The following HECW2 variants were observed in gnomAD, a reference collection of about 807,000 sequenced individuals.
HECW2 encodes HECT, C2 and WW domain containing E3 ubiquitin protein ligase 2, also known as E3 ubiquitin-protein ligase HECW2.
HECW2 carries 61 observed loss-of-function variants against 175.2 expected under a neutral mutation model. The observed-to-expected ratio is 0.35, with a 90% CI of 0.28 to 0.43. HECW2 has a LOEUF of 0.43. HECW2 is among the 20% of genes least tolerant of loss of function. The probability of loss-of-function intolerance (pLI) is 1.00; values close to 1 mark genes in which losing one functional copy is unlikely to be tolerated. For synonymous variants in HECW2, 671 were observed against 731.0 expected, an observed-to-expected ratio of 0.92 and a Z score of 1.32; for missense variants, 1,524 against 2,000.5, an observed-to-expected ratio of 0.76 and a Z score of 4.54.
chr2:196,569,682 T>C (rs1295460121), intron 1 of HECW2, among the ~76,000 whole-genome samples: 2 of 152,230 alleles, frequency 1.3e-5, no homozygotes, highest in East Asian at 3.8e-4. Flanking sequence ...GTAATTATCA[T>C]ACTCAAAGAT....
At chr2:196,439,615 G>A (rs1480733529) in intron 1 of HECW2, among the ~76,000 whole-genome samples, 1 of 152,156 alleles carries the variant, frequency 6.6e-6, no homozygotes, top group Admixed American at 6.6e-5. Flanking sequence ...CCGCCCACAA[G>A]CCAGCGACGG....
At chr2:196,246,637 C>T (rs185297339) in intron 19 of HECW2, among the ~76,000 whole-genome samples, 1 of 151,938 alleles carries the variant, frequency 6.6e-6, no homozygotes, top group Non-Finnish European at 1.5e-5. Context: ...TGATCCACCC[C>T]CCTCAGCCTC....
chr2:196,238,299 T>C (rs980611080), intron 21 of HECW2, among the ~76,000 whole-genome samples: 4 of 152,060 alleles, frequency 2.6e-5, no homozygotes, highest in African/African-American at 7.2e-5. Flanking sequence ...AATGGAAAAT[T>C]TGGGTCGCTC....
chr2:196,350,681 T>A (rs1176712248), intron 2 of HECW2, among the ~76,000 whole-genome samples: 1 of 152,194 alleles, frequency 6.6e-6, no homozygotes. Context: ...CATAAGCATC[T>A]ATTTCCTGCC....
At chr2:196,491,422 A>G (rs1236625693) in intron 1 of HECW2, among the ~76,000 whole-genome samples, 1 of 147,604 alleles carries the variant, frequency 6.8e-6, no homozygotes, top group Admixed American at 6.8e-5. Flanking sequence ...GTATGCATAT[A>G]TTGTGTGTAT....
chr2:196,341,285 GCCAAAATCACTCCAAAGGAAGTGATTTTA>G (rs1293063140), intron 3 of HECW2, among the ~76,000 whole-genome samples: 2 of 151,708 alleles, frequency 1.3e-5, no homozygotes, highest in African/African-American at 2.4e-5. Flanking sequence ...GAGTGATTTT[GCCAAAATCACTCCAAAGGAAGTGATTTTA>G]CCTTTTCCCC....
intron 17 of HECW2, 138 bp downstream of exon 17, chr2:196,271,055 G>T: frequency 2.1e-5 from 13 of 613,938 alleles, no homozygotes; most frequent in Non-Finnish European, 2.9e-5. Flanking sequence ...TGGTGATGAT[G>T]ACAAAATATT....
chr2:196,433,042 T>C, intron 2 of HECW2, 90 bp downstream of exon 2: 1 of 1,300,646 alleles, frequency 7.7e-7, no homozygotes, highest in Non-Finnish European at 1.1e-6. Flanking sequence ...ATGTGAATTT[T>C]TTTCCAGAAG....
chr2:196,386,853 G>T (rs1694365448), intron 2 of HECW2, among the ~76,000 whole-genome samples: 1 of 152,080 alleles, frequency 6.6e-6, no homozygotes, highest in Non-Finnish European at 1.5e-5. Flanking sequence ...AAAGAATCAA[G>T]TTCTGATTAA....
At chr2:196,477,847 T>A (rs548035306) in intron 1 of HECW2, among the ~76,000 whole-genome samples, 39 of 151,740 alleles carry the variant, frequency 2.6e-4, no homozygotes, top group African/African-American at 8.9e-4. Context: ...AGGTCAGGAG[T>A]TCGAGACCAG....
At chr2:196,220,328 G>A (rs890762311) in intron 25 of HECW2, among the ~76,000 whole-genome samples, 175 bp from the exon 26 acceptor site, 9 of 152,196 alleles carry the variant, frequency 5.9e-5, no homozygotes, top group African/African-American at 1.9e-4. Context: ...TTAGTATAAG[G>A]TTGATGAGAT....
intron 1 of HECW2, among the ~76,000 whole-genome samples, chr2:196,573,474 A>G (rs1395174510): frequency 6.6e-6 from 1 of 152,086 alleles, no homozygotes; most frequent in African/African-American, 2.4e-5. Context: ...TATGGAAAAC[A>G]GCACTCTGGC....
At chr2:196,407,629 G>A (rs577458110) in intron 2 of HECW2, among the ~76,000 whole-genome samples, 1 of 152,360 alleles carries the variant, frequency 6.6e-6, no homozygotes, top group African/African-American at 2.4e-5. Context: ...CTGTCAGGCA[G>A]TGGCAGTGCT....
chr2:196,299,263 A>G (rs1690938351), intron 13 of HECW2, among the ~76,000 whole-genome samples: 1 of 152,098 alleles, frequency 6.6e-6, no homozygotes, highest in Admixed American at 6.5e-5. Context: ...CCAGCAAAAT[A>G]AATTCTAAAA....
At chr2:196,221,120 G>GCAT (rs1382849314) in intron 24 of HECW2, among the ~76,000 whole-genome samples, 179 bp from the exon 25 acceptor site, 1 of 152,168 alleles carries the variant, frequency 6.6e-6, no homozygotes, top group Non-Finnish European at 1.5e-5. Flanking sequence ...GAAAAAATAG[G>GCAT]CATTGAGGGG....
chr2:196,556,998 T>G (rs1336442125), intron 1 of HECW2, among the ~76,000 whole-genome samples: 2 of 152,232 alleles, frequency 1.3e-5, no homozygotes, highest in Admixed American at 1.3e-4. Flanking sequence ...CAAACTCATA[T>G]AGAATAATAG....
At chr2:196,247,183 G>A (rs984601532) in intron 19 of HECW2, among the ~76,000 whole-genome samples, 3 of 152,104 alleles carry the variant, frequency 2.0e-5, no homozygotes, top group East Asian at 1.9e-4. Flanking sequence ...CCCAGGAGGC[G>A]GAGGTTGCAG....
intron 15 of HECW2, among the ~76,000 whole-genome samples, chr2:196,278,159 T>TATATATA (rs1469522535): frequency 9.9e-5 from 12 of 121,304 alleles, no homozygotes; most frequent in East Asian, 6.1e-4. Flanking sequence ...TATAAAGAAA[T>TATATATA]TCCACATTTA....
chr2:196,295,950 G>A (rs756443932), intron 13 of HECW2, among the ~76,000 whole-genome samples: 1 of 152,184 alleles, frequency 6.6e-6, no homozygotes, highest in Non-Finnish European at 1.5e-5. Flanking sequence ...ATTTCTCTCA[G>A]TAACTAGTAA....
Sources: gnomAD v4.1 joint callset for allele counts (sites outside exome capture counted in the v4.1 genomes callset) on GRCh38, gnomAD v4.1.1 for gene constraint, MANE v1.5 for transcripts, NCBI Gene and HGNC (gene_info 2026-07-23, HGNC 2026-07-21) for gene names.